Variants in SMYD3 observed in about 807,000 individuals in gnomAD.
SMYD3 encodes the protein histone-lysine N-methyltransferase SMYD3.
A neutral mutation model predicts 57.7 loss-of-function variants in SMYD3; 36 were observed. The observed-to-expected ratio is 0.62, with a 90% CI of 0.48 to 0.82. The LOEUF (loss-of-function observed/expected upper bound fraction) is 0.82. Among genes scored for constraint, SMYD3 ranks in the 40% least tolerant of loss-of-function variants. SMYD3 has a pLI of 0.00. For synonymous variants in SMYD3, 211 were observed against 195.0 expected (o/e 1.08, Z -0.68); for missense variants, 515 against 538.8 (o/e 0.96, Z 0.44).
intron 5 of SMYD3, among the ~76,000 whole-genome samples, chr1:246,317,012 TA>T (rs2065172461): frequency 6.6e-6 from 1 of 150,446 alleles, no homozygotes; most frequent in African/African-American, 2.4e-5. Flanking sequence ...AATAAATAAA[TA>T]AAATAAAAAT....
At chr1:246,443,968 C>T (rs913063492) in intron 1 of SMYD3, among the ~76,000 whole-genome samples, 13 of 152,048 alleles carry the variant, frequency 8.5e-5, no homozygotes, top group Non-Finnish European at 1.5e-4. Flanking sequence ...CCCTCACCAC[C>T]CATCACCACC....
chr1:246,259,618 A>G (rs1424763836), intron 5 of SMYD3, among the ~76,000 whole-genome samples: 1 of 152,192 alleles, frequency 6.6e-6, no homozygotes, highest in African/African-American at 2.4e-5. Flanking sequence ...GTTGCAGCCA[A>G]TGTAGCTGGA....
chr1:246,056,161 A>T (rs554820933), intron 5 of SMYD3, among the ~76,000 whole-genome samples: 2 of 151,758 alleles, frequency 1.3e-5, no homozygotes, highest in African/African-American at 2.4e-5. Flanking sequence ...AATTAAATAG[A>T]TTCATTTAAC....
chr1:246,033,297 A>C (rs1389571655), intron 5 of SMYD3, among the ~76,000 whole-genome samples: 1 of 152,208 alleles, frequency 6.6e-6, no homozygotes, highest in Non-Finnish European at 1.5e-5. Context: ...AAAACCCAGA[A>C]GGTTACACAC....
chr1:246,494,435 AT>A (rs1400879397), intron 1 of SMYD3, among the ~76,000 whole-genome samples: 1 of 152,206 alleles, frequency 6.6e-6, no homozygotes, highest in African/African-American at 2.4e-5. Context: ...TTAAACAATT[AT>A]GGGACCCTTA....
intron 5 of SMYD3, among the ~76,000 whole-genome samples, chr1:246,198,800 C>T (rs1004925905): frequency 4.6e-5 from 7 of 152,140 alleles, no homozygotes; most frequent in Admixed American, 4.6e-4. Flanking sequence ...ATAGTGGCAC[C>T]TACTTTTTAA....
At chr1:245,901,261 A>G (rs1352512433) in intron 8 of SMYD3, among the ~76,000 whole-genome samples, 1 of 152,192 alleles carries the variant, frequency 6.6e-6, no homozygotes, top group African/African-American at 2.4e-5. Context: ...TCAGAGGCAT[A>G]TCTCTGAACC....
At chr1:246,086,428 G>A (rs1183906119) in intron 5 of SMYD3, among the ~76,000 whole-genome samples, 2 of 151,836 alleles carry the variant, frequency 1.3e-5, no homozygotes, top group African/African-American at 2.4e-5. Flanking sequence ...ACACTGCCTG[G>A]GACTGTGCTT....
At chr1:246,286,959 C>T (rs2064581262) in intron 5 of SMYD3, among the ~76,000 whole-genome samples, 2 of 151,674 alleles carry the variant, frequency 1.3e-5, no homozygotes, top group African/African-American at 4.8e-5. Flanking sequence ...CAACCTCCGC[C>T]CCCTAGGTTC....
Position 246,335,386 on chromosome 1 carries a change from C to A in SMYD3, c.317G>T (p.Gly106Val). Residue 106 changes from glycine to valine, a missense_variant, in exon 3 of 12, where the codon GGC becomes GTC. Coordinates refer to ENST00000490107, the MANE Select transcript of SMYD3 (RefSeq NM_001167740.2). ...ACTCACAAGTTTGAAGACAACTCTGCCAAGAAGTCGAACGGAGTCTGGAGG... is the reference window on the plus strand; with the variant it reads ...ACTCACAAGTTTGAAGACAACTCTGACAAGAAGTCGAACGGAGTCTGGAGG... Reference protein sequence around the residue: ...RYPPDSVRLLGRVVFKLMDGA... With the variant: ...RYPPDSVRLLVRVVFKLMDGA... 1 of 1,614,050 alleles carries A rather than the reference C, an allele frequency of 6.2e-7. No homozygotes were observed. Among genetic ancestry groups the A allele is most frequent in the Non-Finnish European group, 8.5e-7 (1 of 1,179,970 alleles).
At chr1:246,331,535 C>A (rs2065461623) in intron 3 of SMYD3, among the ~76,000 whole-genome samples, 2 of 152,150 alleles carry the variant, frequency 1.3e-5, no homozygotes, top group African/African-American at 4.8e-5. Context: ...CTGTGTATTT[C>A]TTCACTGCTA....
chr1:246,347,288 C>A (rs2065737969), intron 2 of SMYD3, among the ~76,000 whole-genome samples: 1 of 152,082 alleles, frequency 6.6e-6, no homozygotes, highest in Non-Finnish European at 1.5e-5. Flanking sequence ...CTGAGAAGTT[C>A]TCCCAGATTA....
intron 1 of SMYD3, among the ~76,000 whole-genome samples, chr1:246,359,176 A>G (rs1414063848): frequency 6.6e-6 from 1 of 152,230 alleles, no homozygotes; most frequent in East Asian, 1.9e-4. Context: ...CAAGGCTACT[A>G]TGAACACCTT....
intron 5 of SMYD3, among the ~76,000 whole-genome samples, chr1:246,303,486 A>C (rs971493540): frequency 2.6e-5 from 4 of 152,326 alleles, no homozygotes; most frequent in Non-Finnish European, 5.9e-5. Context: ...AAATCTATAC[A>C]CTTATAATAC....
intron 5 of SMYD3, among the ~76,000 whole-genome samples, chr1:246,254,433 A>G (rs1214749801): frequency 6.6e-6 from 1 of 152,182 alleles, no homozygotes; most frequent in African/African-American, 2.4e-5. Context: ...TTTATCAAAG[A>G]TCAGATGGCT....
chr1:246,036,797 C>T (rs900863127), intron 5 of SMYD3, among the ~76,000 whole-genome samples: 1 of 150,852 alleles, frequency 6.6e-6, no homozygotes, highest in African/African-American at 2.4e-5. Flanking sequence ...ATCTCCTGAC[C>T]TCGTGATCCG....
intron 5 of SMYD3, among the ~76,000 whole-genome samples, chr1:246,049,639 T>A (rs918592005): frequency 6.6e-6 from 1 of 152,188 alleles, no homozygotes; most frequent in African/African-American, 2.4e-5. Flanking sequence ...AAACACAGTA[T>A]GTATTTAACA....
At chr1:246,167,194 C>A (rs2062230984) in intron 5 of SMYD3, among the ~76,000 whole-genome samples, 1 of 152,176 alleles carries the variant, frequency 6.6e-6, no homozygotes, top group African/African-American at 2.4e-5. Flanking sequence ...TAACAACGAG[C>A]ATTTTGGCTG....
chr1:246,415,493 G>C (rs1216418788), intron 1 of SMYD3, among the ~76,000 whole-genome samples: 1 of 152,156 alleles, frequency 6.6e-6, no homozygotes. Flanking sequence ...ACCCAGAGTT[G>C]AGGTAAATAG....
Sources: gnomAD v4.1 joint callset for allele counts (sites outside exome capture counted in the v4.1 genomes callset) on GRCh38, gnomAD v4.1.1 for gene constraint, MANE v1.5 for transcripts, NCBI Gene and HGNC (gene_info 2026-07-23, HGNC 2026-07-21) for gene names.